The following TMEM39A variants were observed in gnomAD, a reference collection of about 807,000 sequenced individuals.
TMEM39A encodes the protein transmembrane protein 39A, also known as suppressor of SQST-1 aggregates in rpl-43 mutants.
TMEM39A carries 19 observed loss-of-function variants against 51.9 expected under a neutral mutation model. That is an observed-to-expected ratio of 0.37 (90% CI 0.26 to 0.54). TMEM39A has a LOEUF of 0.54. Ranked by LOEUF, TMEM39A falls within the 20% of genes least tolerant of loss-of-function variation. TMEM39A has a pLI of 0.88. For synonymous variants in TMEM39A, 197 were observed against 220.2 expected (o/e 0.89, Z 0.93); for missense variants, 433 against 590.5 (o/e 0.73, Z 2.76).
intron 5 of TMEM39A, among the ~76,000 whole-genome samples, chr3:119,446,432 A>G (rs965120529): frequency 1.3e-5 from 2 of 152,272 alleles, no homozygotes; most frequent in Non-Finnish European, 2.9e-5. Flanking sequence ...GATGATTCAC[A>G]TCCTGGTGGG....
At chr3:119,451,545 A>G (rs2081198417) in intron 4 of TMEM39A, among the ~76,000 whole-genome samples, 1 of 152,218 alleles carries the variant, frequency 6.6e-6, no homozygotes, top group Non-Finnish European at 1.5e-5. Context: ...TATATGAAAA[A>G]TGAGGCCAGG....
At chr3:119,453,913 CAAAT>C (rs1560018917) in intron 3 of TMEM39A, among the ~76,000 whole-genome samples, 2 of 152,096 alleles carry the variant, frequency 1.3e-5, no homozygotes, top group African/African-American at 2.4e-5. Context: ...AAAACAGTAA[CAAAT>C]AATGACTAAG....
In TMEM39A at chr3:119,435,341, A is replaced by C. The variant is rs985209828; in HGVS notation, c.1113-459T>G. On this transcript the variant is annotated intron_variant, in intron 7 of 8. Coordinates refer to ENST00000319172, the MANE Select transcript of TMEM39A (RefSeq NM_018266.3). ...ACATTTACTGCAGAATTACATCCCA[A>C]AAAACTATAGGAAATCAGTTTGCTT... 8.4e-5 allele frequency: 83 copies of C among 985,302 alleles called. No individual in the cohort carries two copies. In the African/African-American group the frequency reaches 1.4e-3, roughly 17 times the overall value. 61.0% of individuals were successfully genotyped at this position (985,302 alleles called of 1,614,324 possible).
At chr3:119,443,554 A>G (rs999131790) in intron 5 of TMEM39A, among the ~76,000 whole-genome samples, 2 of 152,210 alleles carry the variant, frequency 1.3e-5, no homozygotes, top group African/African-American at 4.8e-5. Flanking sequence ...TACTTTAGCA[A>G]TCAAGTATTT....
chr3:119,450,294 T>C (rs1385886367), intron 4 of TMEM39A, among the ~76,000 whole-genome samples: 1 of 152,086 alleles, frequency 6.6e-6, no homozygotes, highest in Non-Finnish European at 1.5e-5. Flanking sequence ...AAATATATTT[T>C]GTTCCCTCCT....
In TMEM39A at chr3:119,429,558, T is replaced by C. The variant is rs1162351001; in HGVS notation, c.*2423A>G. The C allele has an allele frequency of 2.0e-5, 3 of 152,166 alleles. No individual in the cohort carries two copies. Among genetic ancestry groups the C allele is most frequent in the African/African-American group, 4.8e-5 (2 of 41,442 alleles). 9.4% of individuals were successfully genotyped at this position (152,166 alleles called of 1,614,324 possible). ...TTTTTCTACTATCAGTGAGCAAATA[T>C]AGTGTCCCTTCTGTTACATGAACTA... On this transcript the variant is annotated 3_prime_UTR_variant, in exon 9 of 9. Transcript: ENST00000319172.
At chr3:119,462,807 C>A (rs112328832) in intron 1 of TMEM39A, among the ~76,000 whole-genome samples, 2,957 of 151,254 alleles carry the variant, frequency 0.02, 84 homozygotes, top group African/African-American at 0.067. Flanking sequence ...AGGGGATGCC[C>A]GCTCCAGAAA....
intron 2 of TMEM39A, among the ~76,000 whole-genome samples, chr3:119,459,813 G>GT (rs371162330): frequency 5.3e-5 from 8 of 152,194 alleles, no homozygotes; most frequent in African/African-American, 1.9e-4. Flanking sequence ...AGAATCAAAT[G>GT]TATCATCCAA....
In TMEM39A at chr3:119,434,842, G is replaced by A. The variant is rs867324250; in HGVS notation, c.1153C>T (p.Arg385Trp). Reference sequence around the variant, plus strand: ...GCTCTATATAAACATCTGCTGTGCCGCACCAGCACCCCTTGAGGCCATATT... The same window carrying A: ...GCTCTATATAAACATCTGCTGTGCCACACCAGCACCCCTTGAGGCCATATT... ...NTIWPQGVLVRHSRCLYRAMG... is the reference protein window; with the variant it reads ...NTIWPQGVLVWHSRCLYRAMG... Residue 385 changes from arginine to tryptophan, a missense_variant, in exon 8 of 9, where the codon CGG (arginine) becomes TGG (tryptophan). Physicochemically the swap from Arg to Trp is moderately radical, Grantham distance 101. Transcript: ENST00000319172. The A allele has an allele frequency of 3.7e-6, 6 of 1,613,520 alleles. 1 individual carries two copies. In the African/African-American group the frequency reaches 4.0e-5, roughly 11 times the overall value.
At chr3:119,435,214 G>A in intron 7 of TMEM39A, 1 of 985,416 alleles carries the variant, frequency 1.0e-6, no homozygotes, top group Non-Finnish European at 1.2e-6. Context: ...CATCCCAAGT[G>A]AGCAGAGTCT....
intron 3 of TMEM39A, 50 bp from the exon 4 acceptor site, chr3:119,452,580 A>G (rs1024261143): frequency 4.9e-6 from 7 of 1,419,482 alleles, no homozygotes; most frequent in Non-Finnish European, 6.9e-6. Flanking sequence ...ATGTGTATTC[A>G]GCTGGCACTA....
intron 5 of TMEM39A, among the ~76,000 whole-genome samples, chr3:119,439,604 T>C (rs1040604889): frequency 2.0e-5 from 3 of 151,896 alleles, no homozygotes; most frequent in Non-Finnish European, 2.9e-5. Flanking sequence ...AAAAGATATT[T>C]AGTTATACAT....
chr3:119,434,702 G>C (rs2080945841), intron 8 of TMEM39A, 60 bp downstream of exon 8: 1 of 1,593,626 alleles, frequency 6.3e-7, no homozygotes, highest in East Asian at 2.2e-5. Context: ...CTTCCACATA[G>C]AGTGGCCTCC....
chr3:119,443,996 T>A (rs959811508), intron 5 of TMEM39A, among the ~76,000 whole-genome samples: 1 of 152,226 alleles, frequency 6.6e-6, no homozygotes, highest in Admixed American at 6.5e-5. Flanking sequence ...AAAATTGACA[T>A]GACTCGTTTA....
At chr3:119,432,345 A>T in intron 8 of TMEM39A, 131 bp from the exon 9 acceptor site, 1 of 579,758 alleles carries the variant, frequency 1.7e-6, no homozygotes, top group Non-Finnish European at 2.9e-6. Flanking sequence ...AGATCTGTTT[A>T]TTTAATATCA....
At chr3:119,445,145 T>C (rs1361683469) in intron 5 of TMEM39A, among the ~76,000 whole-genome samples, 1 of 152,198 alleles carries the variant, frequency 6.6e-6, no homozygotes, top group South Asian at 2.1e-4. Context: ...TGACAGAATC[T>C]TGTGGAGTAT....
intron 4 of TMEM39A, chr3:119,451,271 G>A: frequency 4.7e-6 from 6 of 1,288,128 alleles, no homozygotes; most frequent in Non-Finnish European, 6.1e-6. Flanking sequence ...CAGTTACTCT[G>A]CTTCCAGAAA....
At chr3:119,460,619 A>C (rs1042663448) in intron 2 of TMEM39A, among the ~76,000 whole-genome samples, 7 of 152,190 alleles carry the variant, frequency 4.6e-5, no homozygotes, top group Admixed American at 3.3e-4. Flanking sequence ...CCCCTGAGAC[A>C]CTGAAGAGGG....
Position 119,461,949 on chromosome 3 carries a change from A to AT in TMEM39A, c.113+12dup. On this transcript the variant is annotated intron_variant, in intron 2 of 8. Transcript: ENST00000319172. ...GGACATTAAAATTATATATAGCCTT[A>AT]TTTTTTCTTTACCTGTTTCTCAAGC... The AT allele has an allele frequency of 1.2e-6, 2 of 1,604,000 alleles. No homozygotes were observed. The highest frequency in any genetic ancestry group is 1.1e-5 in the South Asian group (1 of 90,374).
Sources: gnomAD v4.1 joint callset for allele counts (sites outside exome capture counted in the v4.1 genomes callset) on GRCh38, gnomAD v4.1.1 for gene constraint, MANE v1.5 for transcripts, NCBI Gene and HGNC (gene_info 2026-07-23, HGNC 2026-07-21) for gene names.